Variants in GABRG3 observed in about 807,000 individuals in gnomAD.
GABRG3 encodes the protein gamma-aminobutyric acid type A receptor subunit gamma3.
In GABRG3, 25 loss-of-function variants were observed where a neutral mutation model predicts 48.8. The observed-to-expected ratio is 0.51, with a 90% CI of 0.37 to 0.72. The LOEUF (loss-of-function observed/expected upper bound fraction) is 0.72. GABRG3 is among the 30% of genes least tolerant of loss of function. The pLI is 0.00. For synonymous variants in GABRG3, 227 were observed against 217.6 expected, an observed-to-expected ratio of 1.04 and a Z score of -0.38; for missense variants, 394 against 577.9, an observed-to-expected ratio of 0.68 and a Z score of 3.26.
intron 5 of GABRG3, among the ~76,000 whole-genome samples, chr15:27,410,948 A>C (rs1316991233): frequency 6.6e-6 from 1 of 150,982 alleles, no homozygotes; most frequent in African/African-American, 2.4e-5. Context: ...CTTCATTCTA[A>C]AGTTCGTCTT....
intron 3 of GABRG3, among the ~76,000 whole-genome samples, chr15:27,080,980 A>G (rs1896983624): frequency 1.3e-5 from 2 of 152,106 alleles, no homozygotes; most frequent in Non-Finnish European, 2.9e-5. Flanking sequence ...GACCTCTCGG[A>G]GAAGAGGCAG....
chr15:27,018,577 A>C (rs1895821569), intron 2 of GABRG3, among the ~76,000 whole-genome samples: 1 of 152,158 alleles, frequency 6.6e-6, no homozygotes. Flanking sequence ...TGTTTGGGAA[A>C]GGAGTGAGGG....
At chr15:27,129,877 C>T (rs1469738345) in intron 3 of GABRG3, among the ~76,000 whole-genome samples, 2 of 152,034 alleles carry the variant, frequency 1.3e-5, no homozygotes, top group Non-Finnish European at 2.9e-5. Context: ...AGTCGTTTGT[C>T]CAGTTTAAAT....
At chr15:27,387,428 G>A (rs1030334149) in intron 5 of GABRG3, among the ~76,000 whole-genome samples, 1 of 152,028 alleles carries the variant, frequency 6.6e-6, no homozygotes, top group Non-Finnish European at 1.5e-5. Context: ...TTTTATGTTC[G>A]AAGCCTATTC....
At chr15:27,341,527 A>G (rs1249122275) in intron 5 of GABRG3, among the ~76,000 whole-genome samples, 1 of 152,122 alleles carries the variant, frequency 6.6e-6, no homozygotes, top group East Asian at 1.9e-4. Flanking sequence ...CATTCAGCCC[A>G]TCATCCCGTT....
intron 6 of GABRG3, among the ~76,000 whole-genome samples, chr15:27,504,248 T>C (rs1346350062): frequency 6.6e-6 from 1 of 152,136 alleles, no homozygotes; most frequent in African/African-American, 2.4e-5. Flanking sequence ...TCTTTTGTTC[T>C]TTTTCTCCTC....
intron 3 of GABRG3, among the ~76,000 whole-genome samples, chr15:27,198,510 G>T (rs1164625204): frequency 3.9e-5 from 6 of 152,212 alleles, no homozygotes; most frequent in Non-Finnish European, 7.3e-5. Context: ...ATGCTGGAGA[G>T]GATGTGGAGA....
intron 6 of GABRG3, among the ~76,000 whole-genome samples, chr15:27,501,618 C>G (rs1890642828): frequency 6.6e-6 from 1 of 152,064 alleles, no homozygotes; most frequent in Admixed American, 6.5e-5. Context: ...TTCCATCACC[C>G]ATGAAAAATC....
intron 3 of GABRG3, among the ~76,000 whole-genome samples, chr15:27,204,395 G>A (rs1888788545): frequency 6.6e-6 from 1 of 151,960 alleles, no homozygotes; most frequent in Non-Finnish European, 1.5e-5. Context: ...CTGACTTGTT[G>A]CATTGGTCTG....
At chr15:27,345,720 T>G (rs933010828) in intron 5 of GABRG3, among the ~76,000 whole-genome samples, 11 of 152,146 alleles carry the variant, frequency 7.2e-5, no homozygotes, top group African/African-American at 2.4e-4. Flanking sequence ...TCTTGCAGGG[T>G]AGGTCTGCTC....
At chr15:27,221,397 AACC>A (rs1272015296) in intron 3 of GABRG3, among the ~76,000 whole-genome samples, 2 of 152,186 alleles carry the variant, frequency 1.3e-5, no homozygotes, top group Admixed American at 1.3e-4. Context: ...GCATATTGAT[AACC>A]ACATGATTTG....
intron 3 of GABRG3, among the ~76,000 whole-genome samples, chr15:27,231,306 A>G (rs1211410456): frequency 6.6e-6 from 1 of 152,242 alleles, no homozygotes; most frequent in African/African-American, 2.4e-5. Flanking sequence ...GCTCAACATA[A>G]TAATATAACT....
At chr15:27,270,621 G>A (rs1891052769) in intron 3 of GABRG3, among the ~76,000 whole-genome samples, 1 of 152,104 alleles carries the variant, frequency 6.6e-6, no homozygotes, top group African/African-American at 2.4e-5. Flanking sequence ...TGTTCCACGG[G>A]TACAAAGTTA....
At chr15:27,145,842 A>T (rs1349447952) in intron 3 of GABRG3, among the ~76,000 whole-genome samples, 1 of 151,708 alleles carries the variant, frequency 6.6e-6, no homozygotes, top group Non-Finnish European at 1.5e-5. Context: ...AGCCAAGGAG[A>T]AAAAATCTTG....
chr15:27,330,422 G>A (rs1465953749), intron 5 of GABRG3, among the ~76,000 whole-genome samples: 4 of 152,112 alleles, frequency 2.6e-5, no homozygotes, highest in Admixed American at 6.5e-5. Context: ...GCAAGTGTGC[G>A]GCCCGTGGAG....
chr15:26,977,104 C>G lies in GABRG3; in HGVS notation c.156C>G (p.Asn52Lys), dbSNP rs779275008. The change falls in exon 2 of 10, where the codon AAC becomes AAG. Residue 52 changes from asparagine to lysine, a missense_variant. Physicochemically the swap from Asn to Lys is moderately conservative, Grantham distance 94 (BLOSUM62 0). Around this residue, in one of 3 missense-constraint regions of GABRG3, gnomAD observed 218 missense variants for 309.9 expected, o/e 0.70. Coordinates refer to ENST00000615808, the MANE Select transcript of GABRG3 (RefSeq NM_033223.5). ...SQDTDVTLIL[N>K]KLLREYDKKL... is the part of the protein sequence containing the mutation. ...ACACCGACGTGACTCTTATTCTCAACAAGTTGCTAAGAGAATATGATAAAA... is the reference window on the plus strand; with the variant it reads ...ACACCGACGTGACTCTTATTCTCAAGAAGTTGCTAAGAGAATATGATAAAA... The G allele has an allele frequency of 1.9e-6, 3 of 1,613,944 alleles. No individual in the cohort carries two copies. Among genetic ancestry groups the G allele is most frequent in the Non-Finnish European group, 2.5e-6 (3 of 1,179,852 alleles).
At chr15:27,400,412 A>G (rs1887440678) in intron 5 of GABRG3, among the ~76,000 whole-genome samples, 1 of 152,224 alleles carries the variant, frequency 6.6e-6, no homozygotes, top group African/African-American at 2.4e-5. Flanking sequence ...TATCTGCTTT[A>G]AAATACTGTC....
intron 3 of GABRG3, among the ~76,000 whole-genome samples, chr15:27,262,663 A>C (rs1450773487): frequency 6.6e-6 from 1 of 152,228 alleles, no homozygotes; most frequent in African/African-American, 2.4e-5. Context: ...CGTATGTAGA[A>C]TCAGAAAACA....
chr15:27,087,002 C>T (rs1172105660), intron 3 of GABRG3, among the ~76,000 whole-genome samples: 1 of 152,226 alleles, frequency 6.6e-6, no homozygotes, highest in African/African-American at 2.4e-5. Context: ...AAAGAAAACA[C>T]GCAGTGCCCA....
Sources: allele counts gnomAD v4.1 joint callset (sites outside exome capture counted in the v4.1 genomes callset), GRCh38; gene constraint gnomAD v4.1.1; regional missense constraint gnomAD v4.1.1; transcripts MANE v1.5; gene names NCBI Gene and HGNC (gene_info 2026-07-23, HGNC 2026-07-21).